Variants in ZSWIM5 observed in about 807,000 individuals in gnomAD.
ZSWIM5 encodes zinc finger SWIM domain-containing protein 5.
Under a neutral mutation model 119.6 loss-of-function variants are expected in ZSWIM5, and 55 were observed. The ratio of observed to expected loss-of-function variants is 0.46; its 90% CI spans 0.37 to 0.58. The LOEUF (loss-of-function observed/expected upper bound fraction) is 0.58. Ranked by LOEUF, ZSWIM5 falls within the 20% of genes least tolerant of loss-of-function variation. ZSWIM5 has a pLI of 0.00. For synonymous variants in ZSWIM5, 537 were observed against 606.9 expected (o/e 0.88, Z 1.69); for missense variants, 1,193 against 1,512.8 (o/e 0.79, Z 3.51).
At chr1:45,092,795 C>A (rs1027987491) in intron 1 of ZSWIM5, among the ~76,000 whole-genome samples, 3 of 152,164 alleles carry the variant, frequency 2.0e-5, no homozygotes, top group African/African-American at 7.2e-5. Flanking sequence ...GTCTTACAAG[C>A]GAAAGTCTAA....
chr1:45,061,458 C>T (rs907107723), intron 2 of ZSWIM5, among the ~76,000 whole-genome samples: 6 of 151,552 alleles, frequency 4.0e-5, no homozygotes, highest in African/African-American at 1.5e-4. Flanking sequence ...GCAACCTCCA[C>T]CTCCTGGGTT....
rs754889970 is a variant in ZSWIM5 at position 45,206,273 on chromosome 1, G to A, written c.78C>T (p.Pro26=). 2.5e-6 allele frequency: 4 copies of A among 1,581,394 alleles called. No homozygotes were observed. The highest frequency in any genetic ancestry group is 2.3e-5 in the East Asian group (1 of 43,444). ...VSPAKRQCSW[P]SPQAHHPRGS... Reference sequence around the variant, plus strand: ...CGCGAGGGTGATGAGCCTGCGGGCTGGGCCACGAACACTGCCGCTTAGCCG... The same window carrying A: ...CGCGAGGGTGATGAGCCTGCGGGCTAGGCCACGAACACTGCCGCTTAGCCG... The change falls in exon 1 of 14, where the codon CCC becomes CCT. Residue 26 remains proline, a synonymous_variant. Transcript: ENST00000359600.
At position 45,053,498 on chromosome 1, in the gene ZSWIM5, A is replaced by G. The variant is rs530454716; in HGVS notation, c.1253-2245T>C. 2.0e-5 allele frequency among the ~76,000 whole-genome samples: 3 copies of G among 152,232 alleles called. No homozygotes were observed. The South Asian group carries it at 6.2e-4, about 32-fold the overall frequency. ...GGATCCTGGCCGGGTGCGGTGGCTC[A>G]TTCCTGTAATCCCAGTGCTTTGGGA... On this transcript the variant is annotated intron_variant, in intron 4 of 13. Coordinates refer to ENST00000359600, the MANE Select transcript of ZSWIM5 (RefSeq NM_020883.2).
At chr1:45,051,444 C>A (rs971368029) in intron 4 of ZSWIM5, among the ~76,000 whole-genome samples, 191 bp from the exon 5 acceptor site, 2 of 152,116 alleles carry the variant, frequency 1.3e-5, no homozygotes, top group Non-Finnish European at 2.9e-5. Flanking sequence ...AGTAGAGTGA[C>A]TATCTTATTT....
At chr1:45,143,168 T>C (rs1645737675) in intron 1 of ZSWIM5, among the ~76,000 whole-genome samples, 2 of 120,498 alleles carry the variant, frequency 1.7e-5, no homozygotes. Flanking sequence ...TGAGACTCTG[T>C]CTCAAAAAAA....
intron 1 of ZSWIM5, among the ~76,000 whole-genome samples, chr1:45,151,711 A>G (rs1645797621): frequency 6.6e-6 from 1 of 152,194 alleles, no homozygotes. Flanking sequence ...AAAAAAGACA[A>G]GACAAAAAGA....
chr1:45,076,159 T>C (rs191895282), intron 2 of ZSWIM5, among the ~76,000 whole-genome samples: 1 of 152,210 alleles, frequency 6.6e-6, no homozygotes, highest in Non-Finnish European at 1.5e-5. Context: ...ACATCACGGT[T>C]ACAATGTTAT....
rs1487526981 is a variant in ZSWIM5 at position 45,088,862 on chromosome 1, C to G, written c.596-625G>C. On this transcript the variant is annotated intron_variant, in intron 1 of 13. Transcript: ENST00000359600. The surrounding 1 kb of genome is among the most constrained non-coding windows in gnomAD (Gnocchi z 4.2). ...GTTACACCTCTACTCACTAGGCACACAGTAACAATAATTTTGAAATGTAGG... is the reference window on the plus strand; with the variant it reads ...GTTACACCTCTACTCACTAGGCACAGAGTAACAATAATTTTGAAATGTAGG... 6.6e-6 allele frequency among the ~76,000 whole-genome samples: 1 copy of G among 152,148 alleles called. No homozygotes were observed. The highest frequency in any genetic ancestry group is 2.4e-5 in the African/African-American group (1 of 41,432).
At chr1:45,196,004 A>G (rs996550952) in intron 1 of ZSWIM5, among the ~76,000 whole-genome samples, 15 of 148,374 alleles carry the variant, frequency 1.0e-4, no homozygotes, top group African/African-American at 3.2e-4. Flanking sequence ...AGTAGCCGGG[A>G]CTACAGGTGA....
intron 1 of ZSWIM5, among the ~76,000 whole-genome samples, chr1:45,142,394 C>G (rs1296735382): frequency 6.6e-6 from 1 of 152,274 alleles, no homozygotes; most frequent in Middle Eastern, 3.4e-3. Context: ...CTCTGTCACC[C>G]AGGCTAGAGT....
At chr1:45,190,711 T>C (rs1646086200) in intron 1 of ZSWIM5, among the ~76,000 whole-genome samples, 1 of 152,072 alleles carries the variant, frequency 6.6e-6, no homozygotes, top group African/African-American at 2.4e-5. Flanking sequence ...GTATCACAGA[T>C]TGAGTTCTCT....
At chr1:45,080,460 G>A (rs1388408754) in intron 2 of ZSWIM5, among the ~76,000 whole-genome samples, 1 of 152,178 alleles carries the variant, frequency 6.6e-6, no homozygotes, top group African/African-American at 2.4e-5. Context: ...TGTTTTCCCA[G>A]TGCACCAAAA....
chr1:45,049,110 GAC>G (rs1348266778), intron 5 of ZSWIM5, among the ~76,000 whole-genome samples: 1 of 152,048 alleles, frequency 6.6e-6, no homozygotes, highest in East Asian at 1.9e-4. Context: ...TAGCGTGGGT[GAC>G]ACAGTGAGAC....
In ZSWIM5 at chr1:45,206,543, C is replaced by T; in HGVS notation, c.-193G>A. ...CGGGAGCGCGCCGCGAGGGCAGACG[C>T]GGGCGGCCTGCAGGGTAGCGTGAGG... On this transcript the variant is annotated 5_prime_UTR_variant, in exon 1 of 14. Transcript: ENST00000359600. The T allele has an allele frequency of 9.8e-7, 1 of 1,015,522 alleles. No individual in the cohort carries two copies. The highest frequency in any genetic ancestry group is 1.2e-6 in the Non-Finnish European group (1 of 851,216). The allele number at this position is 1,015,522 out of a possible 1,614,324, so 62.9% of individuals were successfully genotyped here. A position where few individuals can be genotyped will look rare whatever the true frequency, so the allele number is the denominator to read the frequency against.
intron 1 of ZSWIM5, among the ~76,000 whole-genome samples, chr1:45,156,891 C>G (rs7513367): frequency 0.29 from 44,316 of 151,750 alleles, 8,394 homozygotes; most frequent in Middle Eastern, 0.5. Context: ...CAAAAATTAA[C>G]AGAGACAATA....
At chr1:45,172,429 G>A (rs1645951361) in intron 1 of ZSWIM5, among the ~76,000 whole-genome samples, 1 of 152,040 alleles carries the variant, frequency 6.6e-6, no homozygotes. Flanking sequence ...GAAGTGAACT[G>A]AAAAGAACAA....
In ZSWIM5 at chr1:45,099,634, A is replaced by G. The variant is rs574776358; in HGVS notation, c.596-11397T>C. Among the ~76,000 whole-genome samples the G allele has an allele frequency of 2.0e-4, 30 of 152,350 alleles. No homozygotes were observed. In the East Asian group the frequency reaches 5.4e-3, roughly 27 times the overall value. ...AGACCAATATCCCTGATGATCATCA[A>G]TGTGAAAATCCTCAATAAAATACTG... On this transcript the variant is annotated intron_variant, in intron 1 of 13. Transcript: ENST00000359600.
At chr1:45,192,894 T>A (rs146822122) in intron 1 of ZSWIM5, among the ~76,000 whole-genome samples, 1 of 152,334 alleles carries the variant, frequency 6.6e-6, no homozygotes, top group East Asian at 1.9e-4. Context: ...TTCATTACTC[T>A]AATAATTAGT....
intron 1 of ZSWIM5, among the ~76,000 whole-genome samples, chr1:45,201,055 A>G (rs1217322817): frequency 2.0e-5 from 3 of 152,182 alleles, no homozygotes; most frequent in African/African-American, 7.2e-5. Context: ...TCCTTATAAG[A>G]AGGCCATGTG....
Sources: gnomAD v4.1 joint callset for allele counts (sites outside exome capture counted in the v4.1 genomes callset) on GRCh38, gnomAD v4.1.1 for gene constraint, Gnocchi (gnomAD v3.1) non-coding constraint, MANE v1.5 for transcripts, NCBI Gene and HGNC (gene_info 2026-07-23, HGNC 2026-07-21) for gene names.